Variants in ZFAND3 observed in about 807,000 individuals in gnomAD.
ZFAND3 encodes the protein zinc finger AN1-type containing 3, also known as AN1-type zinc finger protein 3.
A neutral mutation model predicts 29.6 loss-of-function variants in ZFAND3; 10 were observed. That is an observed-to-expected ratio of 0.34 (90% CI 0.21 to 0.57). The LOEUF (loss-of-function observed/expected upper bound fraction) is 0.57, where lower values mean the gene tolerates loss of function less well. Ranked by LOEUF, ZFAND3 falls within the 20% of genes least tolerant of loss-of-function variation. ZFAND3 has a pLI of 0.86. For synonymous variants in ZFAND3, 128 were observed against 112.6 expected, an observed-to-expected ratio of 1.14 and a Z score of -0.87; for missense variants, 230 against 304.5, an observed-to-expected ratio of 0.76 and a Z score of 1.82.
At chr6:37,937,645 C>A (rs1298290707) in intron 2 of ZFAND3, among the ~76,000 whole-genome samples, 1 of 117,308 alleles carries the variant, frequency 8.5e-6, no homozygotes, top group East Asian at 2.6e-4. Context: ...CAGAGCGAGA[C>A]TCCGTCTCAA....
At chr6:37,883,684 G>A (rs1764937751) in intron 1 of ZFAND3, among the ~76,000 whole-genome samples, 1 of 144,148 alleles carries the variant, frequency 6.9e-6, no homozygotes, top group African/African-American at 2.8e-5. Flanking sequence ...TGGGATTACA[G>A]GTGCCCGCCA....
chr6:37,906,399 T>G (rs993811341), intron 1 of ZFAND3, among the ~76,000 whole-genome samples: 1 of 152,218 alleles, frequency 6.6e-6, no homozygotes, highest in African/African-American at 2.4e-5. Context: ...AACATTCCAT[T>G]GTATGGATAT....
intron 2 of ZFAND3, among the ~76,000 whole-genome samples, chr6:38,059,409 ATTATAC>A (rs922017841): frequency 1.3e-5 from 2 of 151,912 alleles, no homozygotes; most frequent in African/African-American, 4.8e-5. Flanking sequence ...AGATTTTTCT[ATTATAC>A]TTGTAGCCTT....
intron 1 of ZFAND3, among the ~76,000 whole-genome samples, chr6:37,914,750 C>T (rs1318313466): frequency 3.4e-5 from 5 of 146,576 alleles, no homozygotes. Context: ...ATCTGCCTGC[C>T]TCGGCCTCCC....
intron 1 of ZFAND3, among the ~76,000 whole-genome samples, chr6:37,914,763 A>G (rs1372420379): frequency 6.7e-6 from 1 of 148,184 alleles, no homozygotes; most frequent in Non-Finnish European, 1.5e-5. Context: ...GGCCTCCCAA[A>G]GTGCTGGGAT....
At chr6:38,152,099 A>G in intron 5 of ZFAND3, 136 bp from the exon 6 acceptor site, 3 of 801,462 alleles carry the variant, frequency 3.7e-6, no homozygotes, top group Non-Finnish European at 5.6e-6. Flanking sequence ...TCTCTGCTGC[A>G]TCAGGAACCC....
At position 37,819,774 on chromosome 6, in the gene ZFAND3, G is replaced by A. The variant is rs1011900732; in HGVS notation, c.-172G>A. On this transcript the variant is annotated 5_prime_UTR_variant, in exon 1 of 6. Transcript: ENST00000287218. ...TGGTGCGGCCCGCCTCCAGCTGACC[G>A]GCCTGGAATCCCGGCTCCGAGCCCC... 2.5e-5 allele frequency: 7 copies of A among 279,124 alleles called. No homozygotes were observed. The highest frequency in any genetic ancestry group is 4.1e-5 in the Non-Finnish European group (7 of 170,830). The allele number at this position is 279,124 out of a possible 1,614,324, so 17.3% of individuals were successfully genotyped here.
chr6:38,000,639 C>A (rs981302701), intron 2 of ZFAND3, among the ~76,000 whole-genome samples: 3 of 152,136 alleles, frequency 2.0e-5, no homozygotes, highest in African/African-American at 7.2e-5. Context: ...GATTCAGTTA[C>A]CTCCCACTTG....
chr6:37,916,035 C>G (rs1761245799), intron 1 of ZFAND3, among the ~76,000 whole-genome samples: 1 of 150,258 alleles, frequency 6.7e-6, no homozygotes, highest in Admixed American at 6.6e-5. Flanking sequence ...TCCTGAAGTG[C>G]TGGGATTACA....
At chr6:37,847,603 CAGAA>C (rs1764205890) in intron 1 of ZFAND3, among the ~76,000 whole-genome samples, 1 of 151,998 alleles carries the variant, frequency 6.6e-6, no homozygotes, top group Admixed American at 6.6e-5. Context: ...TATTGATACA[CAGAA>C]AGTGTTATGG....
chr6:37,835,465 T>G (rs974881905), intron 1 of ZFAND3, among the ~76,000 whole-genome samples: 1 of 40,952 alleles, frequency 2.4e-5, no homozygotes, highest in South Asian at 6.7e-4. Context: ...CCTGTAAGAG[T>G]TTTTTTTTTT....
intron 2 of ZFAND3, among the ~76,000 whole-genome samples, chr6:38,005,660 T>C (rs900379758): frequency 6.6e-6 from 1 of 152,246 alleles, no homozygotes; most frequent in African/African-American, 2.4e-5. Context: ...AAAATCACAT[T>C]AATTTATTAT....
chr6:38,127,965 C>A (rs1249703045), intron 5 of ZFAND3, among the ~76,000 whole-genome samples: 1 of 152,128 alleles, frequency 6.6e-6, no homozygotes, highest in Non-Finnish European at 1.5e-5. Flanking sequence ...TCTGAAGTAC[C>A]CACATTTCTT....
intron 2 of ZFAND3, among the ~76,000 whole-genome samples, chr6:38,015,062 A>G (rs866451598): frequency 1.3e-5 from 2 of 152,228 alleles, no homozygotes; most frequent in African/African-American, 4.8e-5. Context: ...TTTAAGGTCT[A>G]CAAGGAGGAG....
At chr6:37,977,288 A>C (rs2127430854) in intron 2 of ZFAND3, among the ~76,000 whole-genome samples, 2 of 152,202 alleles carry the variant, frequency 1.3e-5, no homozygotes, top group South Asian at 4.2e-4. Context: ...TAGACTCTTC[A>C]GTACTATTTA....
At chr6:37,992,822 T>C (rs1762783334) in intron 2 of ZFAND3, among the ~76,000 whole-genome samples, 1 of 152,192 alleles carries the variant, frequency 6.6e-6, no homozygotes, top group Admixed American at 6.5e-5. Context: ...TTTGGTTTGT[T>C]TTTTTGTTTT....
intron 4 of ZFAND3, among the ~76,000 whole-genome samples, chr6:38,109,208 A>G: frequency 7.3e-6 from 1 of 137,050 alleles, no homozygotes; most frequent in Non-Finnish European, 1.5e-5. Flanking sequence ...CTTGAGACAG[A>G]GTCTTGCTCT....
intron 2 of ZFAND3, among the ~76,000 whole-genome samples, chr6:37,948,595 G>A (rs1467390073): frequency 6.6e-6 from 1 of 152,084 alleles, no homozygotes; most frequent in Non-Finnish European, 1.5e-5. Flanking sequence ...ATAGTTTTTT[G>A]ATCCTCACCC....
chr6:38,090,462 A>C (rs1377017897), intron 4 of ZFAND3, among the ~76,000 whole-genome samples: 1 of 152,224 alleles, frequency 6.6e-6, no homozygotes, highest in Non-Finnish European at 1.5e-5. Context: ...TGGGTCCTGA[A>C]GGAGTTCATT....
Sources: gnomAD v4.1 joint callset for allele counts (sites outside exome capture counted in the v4.1 genomes callset) on GRCh38, gnomAD v4.1.1 for gene constraint, MANE v1.5 for transcripts, NCBI Gene and HGNC (gene_info 2026-07-23, HGNC 2026-07-21) for gene names.